Variants in RCAN3 observed in about 807,000 individuals in gnomAD.
RCAN3 encodes the protein calcipressin-3.
A neutral mutation model predicts 21.9 loss-of-function variants in RCAN3; 19 were observed. The observed-to-expected ratio is 0.87, with a 90% confidence interval of 0.61 to 1.27. RCAN3 has a LOEUF of 1.27. Among genes scored for constraint, RCAN3 ranks in the 50% most tolerant of loss-of-function variants. The pLI is 0.00. For missense variants in RCAN3, 240 were observed against 300.1 expected, an observed-to-expected ratio of 0.80 and a Z score of 1.48; for synonymous variants, 114 against 112.3, an observed-to-expected ratio of 1.01 and a Z score of -0.09.
intron 2 of RCAN3, among the ~76,000 whole-genome samples, chr1:24,517,084 G>GTTTTTT (rs11372088): frequency 1.4e-5 from 2 of 146,864 alleles, no homozygotes; most frequent in African/African-American, 5.0e-5. Context: ...CTATTTTTTT[G>GTTTTTT]TTTTTTTTTG....
At position 24,537,394 on chromosome 1, in the gene RCAN3, G is replaced by T. The variant is rs902460118; in HGVS notation, c.*2117G>T. On this transcript the variant is annotated 3_prime_UTR_variant, in exon 5 of 5. Coordinates refer to ENST00000374395, the MANE Select transcript of RCAN3 (RefSeq NM_013441.4). Reference sequence around the variant, plus strand: ...TTTTTCTAGTATAATATAATAAAATGAATTTTTTTAAAAAAGCTACTAAGT... The same window carrying T: ...TTTTTCTAGTATAATATAATAAAATTAATTTTTTTAAAAAAGCTACTAAGT... 9 of 151,934 alleles carry T rather than the reference G, an allele frequency of 5.9e-5. No individual in the cohort carries two copies. The highest frequency in any genetic ancestry group is 1.9e-4 in the African/African-American group (8 of 41,462). The allele number at this position is 151,934 out of a possible 1,614,324, so 9.4% of individuals were successfully genotyped here.
chr1:24,506,435 C>T (rs976612596), intron 1 of RCAN3, among the ~76,000 whole-genome samples: 1 of 151,980 alleles, frequency 6.6e-6, no homozygotes, highest in African/African-American at 2.4e-5. Flanking sequence ...AGTATTATAT[C>T]AATGTTAAAT....
chr1:24,518,736 G>A (rs957500847), intron 2 of RCAN3, among the ~76,000 whole-genome samples: 1 of 151,860 alleles, frequency 6.6e-6, no homozygotes, highest in Non-Finnish European at 1.5e-5. Context: ...GGGACTATAG[G>A]CATGCACCAG....
chr1:24,518,652 G>A lies in RCAN3; in HGVS notation c.195+4085G>A, dbSNP rs1008313283. Reference sequence around the variant, plus strand: ...CTGTCACCCAGGCTGGAATGTGGTGGCATGATCATAGGTCACTGCAGCCTT... The same window carrying A: ...CTGTCACCCAGGCTGGAATGTGGTGACATGATCATAGGTCACTGCAGCCTT... On this transcript the variant is annotated intron_variant, in intron 2 of 4. Coordinates refer to ENST00000374395, the MANE Select transcript of RCAN3 (RefSeq NM_013441.4). Among the ~76,000 whole-genome samples, 4 of 152,206 alleles carry A rather than the reference G, an allele frequency of 2.6e-5. No homozygotes were observed. In the East Asian group the frequency reaches 7.7e-4, roughly 29 times the overall value.
chr1:24,505,225 CTTTTTTCTTTTTT>C (rs1647338883), intron 1 of RCAN3, among the ~76,000 whole-genome samples: 1 of 109,564 alleles, frequency 9.1e-6, no homozygotes, highest in Admixed American at 9.5e-5. Flanking sequence ...TTTTTTTTCT[CTTTTTTCTTTTTT>C]TTTTTTTTTT....
intron 2 of RCAN3, among the ~76,000 whole-genome samples, chr1:24,515,557 C>T (rs184803846): frequency 1.7e-3 from 260 of 151,962 alleles, no homozygotes; most frequent in African/African-American, 6.1e-3. Flanking sequence ...GATGTGTCTT[C>T]CTTGTTCTGA....
intron 1 of RCAN3, among the ~76,000 whole-genome samples, chr1:24,508,758 T>G (rs1295751505): frequency 6.6e-6 from 1 of 152,248 alleles, no homozygotes; most frequent in Non-Finnish European, 1.5e-5. Context: ...GGTTTCCCAG[T>G]GCATATAAAA....
chr1:24,505,347 C>T (rs1002170846), intron 1 of RCAN3, among the ~76,000 whole-genome samples: 1 of 150,618 alleles, frequency 6.6e-6, no homozygotes, highest in African/African-American at 2.4e-5. Context: ...TCAAGTATTC[C>T]TCCCACCACA....
At chr1:24,508,541 T>TA (rs1353025644) in intron 1 of RCAN3, among the ~76,000 whole-genome samples, 1 of 151,938 alleles carries the variant, frequency 6.6e-6, no homozygotes, top group Non-Finnish European at 1.5e-5. Context: ...GTAAAAAAGA[T>TA]AGAGCTGGTG....
At chr1:24,504,796 AG>A (rs1385616888) in intron 1 of RCAN3, among the ~76,000 whole-genome samples, 1 of 152,238 alleles carries the variant, frequency 6.6e-6, no homozygotes, top group Non-Finnish European at 1.5e-5. Context: ...GGTTCTATCC[AG>A]GGAAAAGAAA....
rs1283236336 is a variant in RCAN3, at chr1:24,536,376, G to C, written c.*1099G>C. 6.6e-6 allele frequency: 1 copy of C among 152,120 alleles called. No homozygotes were observed. The highest frequency in any genetic ancestry group is 2.4e-5 in the African/African-American group (1 of 41,426). 9.4% of individuals were successfully genotyped at this position (152,120 alleles called of 1,614,324 possible). The stretch of plus-strand genomic sequence containing the variant: ...ATCATTCAGTTTTACTTTTCTTTTT[G>C]TTGAAATTTTGTACCCGGATTGCAG... On this transcript the variant is annotated 3_prime_UTR_variant, in exon 5 of 5. Coordinates refer to ENST00000374395, the MANE Select transcript of RCAN3 (RefSeq NM_013441.4).
At chr1:24,518,202 T>C (rs1648496430) in intron 2 of RCAN3, among the ~76,000 whole-genome samples, 1 of 152,140 alleles carries the variant, frequency 6.6e-6, no homozygotes, top group Non-Finnish European at 1.5e-5. Context: ...GTTTTTGTCT[T>C]TATAAGCTTC....
At chr1:24,508,732 C>A (rs1188273165) in intron 1 of RCAN3, among the ~76,000 whole-genome samples, 2 of 152,116 alleles carry the variant, frequency 1.3e-5, no homozygotes, top group African/African-American at 4.8e-5. Flanking sequence ...GTAATAAAGC[C>A]GGTCACACGA....
rs1266489276 is a variant in RCAN3 at position 24,540,784 on chromosome 1, T to C, written c.*5507T>C. 1 of 152,210 alleles carries C rather than the reference T, an allele frequency of 6.6e-6. No homozygotes were observed. The highest frequency in any genetic ancestry group is 1.5e-5 in the Non-Finnish European group (1 of 68,026). The allele number at this position is 152,210 out of a possible 1,614,324, so 9.4% of individuals were successfully genotyped here. A position where few individuals can be genotyped will look rare whatever the true frequency, so the allele number is the denominator to read the frequency against. On this transcript the variant is annotated 3_prime_UTR_variant, in exon 5 of 5. Coordinates refer to ENST00000374395, the MANE Select transcript of RCAN3 (RefSeq NM_013441.4). The stretch of plus-strand genomic sequence containing the variant: ...GGTATATAAGCTGTAGTGCATACTC[T>C]TTGTATTGCAAAAAACTGGTCAGTA...
At chr1:24,511,121 G>A (rs1016154913) in intron 1 of RCAN3, among the ~76,000 whole-genome samples, 35 of 152,242 alleles carry the variant, frequency 2.3e-4, no homozygotes, top group African/African-American at 7.9e-4. Flanking sequence ...AGGCCATCCT[G>A]GCCAACATGG....
chr1:24,527,175 G>A (rs1392314078), intron 2 of RCAN3, among the ~76,000 whole-genome samples: 1 of 151,992 alleles, frequency 6.6e-6, no homozygotes, highest in East Asian at 1.9e-4. Flanking sequence ...AGGACTACAG[G>A]TGTGTAATTT....
chr1:24,513,044 T>C (rs1455731986), intron 1 of RCAN3, among the ~76,000 whole-genome samples: 1 of 152,078 alleles, frequency 6.6e-6, no homozygotes, highest in Non-Finnish European at 1.5e-5. Flanking sequence ...GAGACCATCC[T>C]GGCTAACACA....
chr1:24,507,792 A>C (rs188656884), intron 1 of RCAN3: 1 of 152,364 alleles, frequency 6.6e-6, no homozygotes, highest in Admixed American at 6.5e-5. Flanking sequence ...TAGAAAGTGA[A>C]AAATACGGCT....
Position 24,527,036 on chromosome 1 carries a change from T to C in RCAN3, c.196-4182T>C, listed in dbSNP as rs77868420. ...TCTATATAATATTTTGTTATTTATG[T>C]ATATTACTTTTTTTTGAGACAGTCT... On this transcript the variant is annotated intron_variant, in intron 2 of 4. Coordinates refer to ENST00000374395, the MANE Select transcript of RCAN3 (RefSeq NM_013441.4). Among the ~76,000 whole-genome samples, 338 of 152,334 alleles carry C rather than the reference T, an allele frequency of 2.2e-3. 1 individual carries two copies. Among genetic ancestry groups the C allele is most frequent in the African/African-American group, 8.0e-3 (331 of 41,570 alleles).
Sources: gnomAD v4.1 joint callset for allele counts (sites outside exome capture counted in the v4.1 genomes callset) on GRCh38, gnomAD v4.1.1 for gene constraint, MANE v1.5 for transcripts, NCBI Gene and HGNC (gene_info 2026-07-23, HGNC 2026-07-21) for gene names.